The following GABRG3 variants were observed in gnomAD, a reference collection of about 807,000 sequenced individuals.
The protein encoded by GABRG3 is gamma-aminobutyric acid receptor subunit gamma-3.
GABRG3 carries 25 observed loss-of-function variants against 48.8 expected under a neutral mutation model. The ratio of observed to expected loss-of-function variants is 0.51; its 90% CI spans 0.37 to 0.72. The LOEUF is 0.72. Among genes scored for constraint, GABRG3 ranks in the 30% least tolerant of loss-of-function variants. The pLI, the probability that GABRG3 is intolerant of heterozygous loss-of-function variation, is 0.00. For synonymous variants in GABRG3, 227 were observed against 217.6 expected, an observed-to-expected ratio of 1.04 and a Z score of -0.38; for missense variants, 394 against 577.9, an observed-to-expected ratio of 0.68 and a Z score of 3.26.
intron 5 of GABRG3, among the ~76,000 whole-genome samples, chr15:27,477,600 A>G (rs886617283): frequency 6.6e-6 from 1 of 152,214 alleles, no homozygotes; most frequent in African/African-American, 2.4e-5. Context: ...TGATTAATCA[A>G]TTGTAACCAA....
At chr15:27,499,342 G>A (rs115882622) in intron 6 of GABRG3, among the ~76,000 whole-genome samples, 5,005 of 152,140 alleles carry the variant, frequency 0.033, 282 homozygotes, top group African/African-American at 0.11. Context: ...GCCTCCTGAC[G>A]CCCTCCTGTC....
At chr15:27,387,387 C>A (rs913391075) in intron 5 of GABRG3, among the ~76,000 whole-genome samples, 4 of 151,954 alleles carry the variant, frequency 2.6e-5, no homozygotes, top group African/African-American at 9.7e-5. Context: ...CACATTCTGG[C>A]CTACTTTTGT....
Position 27,299,139 on chromosome 15 carries a change from CTGGGTGTGG to C in GABRG3, c.271-27666_271-27658del, listed in dbSNP as rs760665608. On this transcript the variant is annotated intron_variant, in intron 3 of 9. Transcript: ENST00000615808. Reference sequence around the variant, plus strand: ...TCTTTACTGAAAATACAAAAACTAGCTGGGTGTGGTGGCAGGTGCCTGTAATCCCAGTTA... The same window carrying C: ...TCTTTACTGAAAATACAAAAACTAGCTGGCAGGTGCCTGTAATCCCAGTTA... Among the ~76,000 whole-genome samples, 652 of 152,166 alleles carry C rather than the reference CTGGGTGTGG, an allele frequency of 4.3e-3. 1 individual carries two copies. Among genetic ancestry groups the C allele is most frequent in the Non-Finnish European group, 7.0e-3 (478 of 68,004 alleles).
chr15:27,320,224 C>T (rs1370381600), intron 3 of GABRG3, among the ~76,000 whole-genome samples: 1 of 152,198 alleles, frequency 6.6e-6, no homozygotes, highest in Non-Finnish European at 1.5e-5. Flanking sequence ...TTATACAAGG[C>T]TGCTGTCTTT....
intron 2 of GABRG3, among the ~76,000 whole-genome samples, chr15:26,985,798 A>G (rs971747781): frequency 2.6e-5 from 4 of 152,220 alleles, no homozygotes; most frequent in Non-Finnish European, 5.9e-5. Flanking sequence ...TGTATGATTA[A>G]GATACTATGA....
At chr15:27,267,657 A>G (rs2140471391) in intron 3 of GABRG3, among the ~76,000 whole-genome samples, 1 of 152,278 alleles carries the variant, frequency 6.6e-6, no homozygotes, top group East Asian at 1.9e-4. Flanking sequence ...AGCTGAGCTC[A>G]AGGAATTTAT....
At chr15:27,465,470 C>T (rs1889578661) in intron 5 of GABRG3, among the ~76,000 whole-genome samples, 1 of 152,194 alleles carries the variant, frequency 6.6e-6, no homozygotes, top group South Asian at 2.1e-4. Flanking sequence ...GTTCCAAGGA[C>T]ACACTTTGCT....
chr15:27,339,110 T>G (rs992204481), intron 5 of GABRG3, among the ~76,000 whole-genome samples: 1 of 152,132 alleles, frequency 6.6e-6, no homozygotes, highest in African/African-American at 2.4e-5. Flanking sequence ...GGGTCCTGTC[T>G]CCTAGTTGGA....
intron 3 of GABRG3, among the ~76,000 whole-genome samples, chr15:27,049,970 G>T (rs1896429535): frequency 2.0e-5 from 3 of 152,192 alleles, no homozygotes; most frequent in Admixed American, 2.0e-4. Flanking sequence ...CTGTGATGTT[G>T]TCTGAAATAT....
At chr15:27,065,711 A>C (rs943997152) in intron 3 of GABRG3, among the ~76,000 whole-genome samples, 2 of 152,270 alleles carry the variant, frequency 1.3e-5, no homozygotes, top group Admixed American at 6.5e-5. Context: ...GCCTTCCGGC[A>C]GTCACCGGGG....
At chr15:27,016,901 ATTCG>A (rs1254311863) in intron 2 of GABRG3, among the ~76,000 whole-genome samples, 2 of 152,080 alleles carry the variant, frequency 1.3e-5, no homozygotes, top group East Asian at 3.9e-4. Context: ...GAATTTTTAA[ATTCG>A]CTTAATGTAT....
At chr15:27,160,987 G>A (rs555994670) in intron 3 of GABRG3, 1 of 151,740 alleles carries the variant, frequency 6.6e-6, no homozygotes, top group East Asian at 1.9e-4. Context: ...ACAAAATGCT[G>A]GGAGCCTGTC....
chr15:27,193,773 A>T (rs1309849866), intron 3 of GABRG3, among the ~76,000 whole-genome samples: 1 of 152,096 alleles, frequency 6.6e-6, no homozygotes, highest in South Asian at 2.1e-4. Context: ...TGAACCCGGT[A>T]CCTCAGATGG....
rs1436237094 is a variant in GABRG3 at position 26,976,416 on chromosome 15, A to G, written c.54-586A>G. On this transcript the variant is annotated intron_variant, in intron 1 of 9. Coordinates refer to ENST00000615808, the MANE Select transcript of GABRG3 (RefSeq NM_033223.5). The surrounding 1 kb of genome is among the most constrained non-coding windows in gnomAD (Gnocchi z 7.8). ...GGGTCTTCACCAGTCATCAGCGAACATCGCTGTCCTTGCCTCCAATCTGAG... is the reference window on the plus strand; with the variant it reads ...GGGTCTTCACCAGTCATCAGCGAACGTCGCTGTCCTTGCCTCCAATCTGAG... Among the ~76,000 whole-genome samples the G allele has an allele frequency of 6.6e-6, 1 of 152,234 alleles. No homozygotes were observed. Among genetic ancestry groups the G allele is most frequent in the East Asian group, 1.9e-4 (1 of 5,196 alleles).
At chr15:27,205,566 C>T (rs1435789711) in intron 3 of GABRG3, among the ~76,000 whole-genome samples, 3 of 152,044 alleles carry the variant, frequency 2.0e-5, no homozygotes, top group Non-Finnish European at 4.4e-5. Context: ...CAGAATGATG[C>T]TGACCTCATA....
chr15:26,994,245 G>T (rs903428592), intron 2 of GABRG3, among the ~76,000 whole-genome samples: 1 of 151,584 alleles, frequency 6.6e-6, no homozygotes, highest in Non-Finnish European at 1.5e-5. Context: ...ATGCTGTTTT[G>T]TTACAGATAT....
At chr15:27,460,671 G>C (rs1273993259) in intron 5 of GABRG3, among the ~76,000 whole-genome samples, 1 of 152,188 alleles carries the variant, frequency 6.6e-6, no homozygotes, top group East Asian at 1.9e-4. Context: ...TCTGATTTGT[G>C]ATCGGCTAAG....
At chr15:27,502,694 C>T (rs1209618468) in intron 6 of GABRG3, among the ~76,000 whole-genome samples, 1 of 152,214 alleles carries the variant, frequency 6.6e-6, no homozygotes, top group African/African-American at 2.4e-5. Flanking sequence ...TCTCACAACC[C>T]CCTCTTTGGG....
rs548790418 is a variant in GABRG3, at chr15:27,456,472, G to GC, written c.575-24171dup. On this transcript the variant is annotated intron_variant, in intron 5 of 9. Transcript: ENST00000615808. Reference sequence around the variant, plus strand: ...TTCACACCCCAAATAAAGGCACTGGGCCCCCCCGGGAAGGACCCGCAGAGG... The same window carrying GC: ...TTCACACCCCAAATAAAGGCACTGGGCCCCCCCCGGGAAGGACCCGCAGAGG... Among the ~76,000 whole-genome samples, 66 of 152,168 alleles carry GC rather than the reference G, an allele frequency of 4.3e-4. 1 individual carries two copies. The South Asian group carries it at 0.011, about 26-fold the overall frequency.
Sources: gnomAD v4.1 joint callset for allele counts (sites outside exome capture counted in the v4.1 genomes callset) on GRCh38, gnomAD v4.1.1 for gene constraint, Gnocchi (gnomAD v3.1) non-coding constraint, MANE v1.5 for transcripts, NCBI Gene and HGNC (gene_info 2026-07-23, HGNC 2026-07-21) for gene names.